ATF7IP2: variants seen among roughly 807,000 people sequenced by gnomAD.
ATF7IP2 encodes the protein activating transcription factor 7-interacting protein 2.
ATF7IP2 carries 42 observed loss-of-function variants against 64.2 expected under a neutral mutation model. The observed-to-expected ratio is 0.65, with a 90% CI of 0.51 to 0.85. The LOEUF (loss-of-function observed/expected upper bound fraction) is 0.85. ATF7IP2 is among the 40% of genes least tolerant of loss of function. ATF7IP2 has a pLI of 0.00. For synonymous variants in ATF7IP2, 308 were observed against 272.8 expected (o/e 1.13, Z -1.27); for missense variants, 933 against 784.2 (o/e 1.19, Z -2.27).
chr16:10,423,646 A>AG (rs941537547), intron 3 of ATF7IP2, among the ~76,000 whole-genome samples: 1 of 152,158 alleles, frequency 6.6e-6, no homozygotes, highest in African/African-American at 2.4e-5. Context: ...CAAAATAATG[A>AG]GGGGGTGCAG....
chr16:10,396,239 T>C (rs1440597700), intron 1 of ATF7IP2, among the ~76,000 whole-genome samples: 1 of 152,194 alleles, frequency 6.6e-6, no homozygotes, highest in Non-Finnish European at 1.5e-5. Context: ...GATAATCCCA[T>C]GTTCATCTAG....
intron 12 of ATF7IP2, among the ~76,000 whole-genome samples, chr16:10,480,447 C>T (rs1271680482): frequency 6.6e-6 from 1 of 151,960 alleles, no homozygotes; most frequent in Non-Finnish European, 1.5e-5. Flanking sequence ...CTAATTCCTT[C>T]CAGAGGAGCA....
intron 1 of ATF7IP2, among the ~76,000 whole-genome samples, chr16:10,402,677 T>C (rs2047558335): frequency 1.3e-5 from 2 of 152,118 alleles, no homozygotes; most frequent in Admixed American, 1.3e-4. Flanking sequence ...GTTGCCAGAC[T>C]GGTTTCAAAC....
intron 1 of ATF7IP2, among the ~76,000 whole-genome samples, chr16:10,399,420 C>T (rs531997831): frequency 6.6e-6 from 1 of 152,246 alleles, no homozygotes; most frequent in African/African-American, 2.4e-5. Context: ...TCCAGTTTTC[C>T]CAGCACCATT....
At chr16:10,424,941 G>C (rs983227054) in intron 3 of ATF7IP2, among the ~76,000 whole-genome samples, 1 of 152,044 alleles carries the variant, frequency 6.6e-6, no homozygotes, top group African/African-American at 2.4e-5. Context: ...TCCTCAGAAG[G>C]TTAAATCTAG....
chr16:10,434,168 A>T (rs2048345361), intron 6 of ATF7IP2, among the ~76,000 whole-genome samples: 1 of 152,196 alleles, frequency 6.6e-6, no homozygotes, highest in South Asian at 2.1e-4. Context: ...ATTTTGCTGT[A>T]TAGCATCATT....
intron 8 of ATF7IP2, among the ~76,000 whole-genome samples, chr16:10,452,632 G>T (rs1196315759): frequency 6.6e-6 from 1 of 152,214 alleles, no homozygotes; most frequent in Non-Finnish European, 1.5e-5. Context: ...CTCAAATGCT[G>T]TGCTGGGAGA....
intron 1 of ATF7IP2, among the ~76,000 whole-genome samples, chr16:10,398,502 T>C (rs1329746266): frequency 1.3e-5 from 2 of 152,176 alleles, no homozygotes; most frequent in African/African-American, 4.8e-5. Context: ...ATTGAAGAGA[T>C]ACTTGCACTC....
Position 10,433,522 on chromosome 16 carries a change from A to G in ATF7IP2, c.836-3A>G, listed in dbSNP as rs757363855. ...TTCTTTCTAATCTTTTGATCTCCTC[A>G]AGGCCATTATCAAAAGAAGAGGATG... is the stretch of plus-strand genomic sequence containing the variant. On this transcript the variant is annotated splice_polypyrimidine_tract_variant and splice_region_variant and intron_variant, in intron 5 of 13. Coordinates refer to ENST00000562102, the MANE Select transcript of ATF7IP2 (RefSeq NM_001393719.1). The G allele has an allele frequency of 6.2e-7, 1 of 1,611,112 alleles. No homozygotes were observed. Among genetic ancestry groups the G allele is most frequent in the African/African-American group, 1.3e-5 (1 of 74,898 alleles).
At chr16:10,456,766 C>T (rs1365780566) in intron 8 of ATF7IP2, among the ~76,000 whole-genome samples, 1 of 152,176 alleles carries the variant, frequency 6.6e-6, no homozygotes, top group East Asian at 1.9e-4. Context: ...CTAATCCTAC[C>T]AGTATGGAAT....
At chr16:10,424,310 G>C (rs993189012) in intron 3 of ATF7IP2, among the ~76,000 whole-genome samples, 1 of 152,140 alleles carries the variant, frequency 6.6e-6, no homozygotes, top group African/African-American at 2.4e-5. Context: ...GTCTGTTTAT[G>C]GCTAGATTTG....
intron 9 of ATF7IP2, among the ~76,000 whole-genome samples, chr16:10,462,117 C>T (rs1334496036): frequency 2.6e-5 from 4 of 152,030 alleles, no homozygotes; most frequent in Non-Finnish European, 5.9e-5. Context: ...ATTCTTTACT[C>T]GGAATAGTAC....
At chr16:10,402,727 G>A (rs1301279651) in intron 1 of ATF7IP2, among the ~76,000 whole-genome samples, 1 of 152,006 alleles carries the variant, frequency 6.6e-6, no homozygotes, top group Non-Finnish European at 1.5e-5. Flanking sequence ...GCCTCCCAAA[G>A]TGTTGGGATT....
At chr16:10,425,626 G>GCTCACATCTGTAATCC (rs1222126187) in intron 3 of ATF7IP2, among the ~76,000 whole-genome samples, 3 of 152,082 alleles carry the variant, frequency 2.0e-5, no homozygotes, top group Non-Finnish European at 2.9e-5. Flanking sequence ...GGGTGTGGTG[G>GCTCACATCTGTAATCC]CTCACATCTG....
rs182643665 is a variant in ATF7IP2 at position 10,470,455 on chromosome 16, T to A, written c.1353-1655T>A. 3.3e-5 allele frequency among the ~76,000 whole-genome samples: 5 copies of A among 152,286 alleles called. No homozygotes were observed. The East Asian group carries it at 9.6e-4, about 29-fold the overall frequency. ...TCACCCCAAATTGTATATCTATCAA[T>A]GCCTCAGCCGTTTTTGTAGTAAGTA... On this transcript the variant is annotated intron_variant, in intron 9 of 13. Transcript: ENST00000562102.
At position 10,411,649 on chromosome 16, in the gene ATF7IP2, G is replaced by T. The variant is rs1596458778; in HGVS notation, c.-241-2925G>T. Reference sequence around the variant, plus strand: ...CTCTCAAAGTGCTGGGATTACAGGTGTGAGCCACTGCGCCTGGCCTATGTT... The same window carrying T: ...CTCTCAAAGTGCTGGGATTACAGGTTTGAGCCACTGCGCCTGGCCTATGTT... On this transcript the variant is annotated intron_variant, in intron 1 of 13. Transcript: ENST00000562102. Among the ~76,000 whole-genome samples the T allele has an allele frequency of 2.0e-5, 3 of 152,166 alleles. No individual in the cohort carries two copies. In the South Asian group the frequency reaches 6.2e-4, roughly 32 times the overall value.
At chr16:10,464,923 T>C (rs2049508916) in intron 9 of ATF7IP2, among the ~76,000 whole-genome samples, 2 of 152,204 alleles carry the variant, frequency 1.3e-5, no homozygotes, top group African/African-American at 4.8e-5. Flanking sequence ...TTTCCCCTCC[T>C]GGGTTTAGGT....
chr16:10,416,171 T>C (rs2047872220), intron 2 of ATF7IP2, among the ~76,000 whole-genome samples: 1 of 152,184 alleles, frequency 6.6e-6, no homozygotes. Flanking sequence ...GCAGCACTGT[T>C]CACAATAGCC....
chr16:10,401,849 T>C (rs1404642933), intron 1 of ATF7IP2, among the ~76,000 whole-genome samples: 1 of 152,008 alleles, frequency 6.6e-6, no homozygotes, highest in African/African-American at 2.4e-5. Flanking sequence ...AGGTTGTATG[T>C]TTCCAGTAAT....
Sources: allele counts gnomAD v4.1 joint callset (sites outside exome capture counted in the v4.1 genomes callset), GRCh38; gene constraint gnomAD v4.1.1; transcripts MANE v1.5; gene names NCBI Gene and HGNC (gene_info 2026-07-23, HGNC 2026-07-21).